NR1I3: variants seen among roughly 807,000 people sequenced by gnomAD.
The protein encoded by NR1I3 is constitutive activator of retinoid response.
NR1I3 carries 30 observed loss-of-function variants against 38.4 expected under a neutral mutation model. The ratio of observed to expected loss-of-function variants is 0.78; its 90% CI spans 0.58 to 1.06. NR1I3 has a LOEUF of 1.06. NR1I3 is among the 50% of genes least tolerant of loss of function. NR1I3 has a pLI of 0.00. For synonymous variants in NR1I3, 143 were observed against 165.1 expected (o/e 0.87, Z 1.03); for missense variants, 388 against 435.7 (o/e 0.89, Z 0.97).
chr1:161,235,977 C>T lies in NR1I3; in HGVS notation c.108G>A (p.Arg36=), dbSNP rs1668536943. Residue 36 remains arginine, a splice_region_variant and synonymous_variant, in exon 3 of 9, where the codon AGG becomes AGA. Transcript: ENST00000367983. ...GACCAATGCTTTTGCTGACTGTTCT[C>T]CTGTGAGACACAGAGATGTTGTTAG... is the stretch of plus-strand genomic sequence containing the variant. ...LTCEGCKGFF[R]RTVSKSIGPT... The T allele has an allele frequency of 1.9e-6, 3 of 1,588,200 alleles. No individual in the cohort carries two copies. Among genetic ancestry groups the T allele is most frequent in the African/African-American group, 2.7e-5 (2 of 74,058 alleles).
chr1:161,237,218 T>TC (rs1668773659), intron 1 of NR1I3, among the ~76,000 whole-genome samples: 1 of 151,044 alleles, frequency 6.6e-6, no homozygotes, highest in African/African-American at 2.4e-5. Flanking sequence ...TTTTTTTTTT[T>TC]TCCCTGAAAT....
chr1:161,236,073 T>G, intron 2 of NR1I3, 96 bp from the exon 3 acceptor site: 1 of 1,406,834 alleles, frequency 7.1e-7, no homozygotes, highest in South Asian at 1.4e-5. Context: ...TCTGGTGAAA[T>G]GGACTAATCT....
rs778869769 is a variant in NR1I3 at position 161,231,343 on chromosome 1, T to G, written c.680A>C (p.Glu227Ala). The change falls in exon 6 of 9, where the codon GAA (glutamate) becomes GCA (alanine). Residue 227 changes from glutamate (E) to alanine (A), a missense_variant. By Grantham distance (107) the Glu-to-Ala change is moderately radical (BLOSUM62 -1). Transcript: ENST00000367983. The part of the protein sequence containing the change: ...FLCGPLRYTI[E>A]DGARVGFQVE... The stretch of plus-strand genomic sequence containing the variant: ...CACCATCTCACCACGGGCTCCATCT[T>G]CAATTGTGTAGCGAAGAGGCCCGCA... 22 of 1,579,556 alleles carry G rather than the reference T, an allele frequency of 1.4e-5. No individual in the cohort carries two copies. The South Asian group carries it at 2.5e-4, about 18-fold the overall frequency.
chr1:161,229,823 G>A lies in NR1I3; in HGVS notation c.1021C>T (p.Pro341Ser), dbSNP rs1571662182. The A allele has an allele frequency of 1.2e-6, 2 of 1,614,214 alleles. No individual in the cohort carries two copies. The highest frequency in any genetic ancestry group is 4.5e-5 in the East Asian group (2 of 44,886). ...QHIQGLSAMM[P>S]LLQEICS ...CAGCTGCAGATCTCCTGGAGCAGCG[G>A]CATCATGGCAGACAGGCCCTGGATG... The change falls in exon 9 of 9, where the codon CCG becomes TCG. Residue 341 changes from proline (P) to serine (S), a missense_variant. Coordinates refer to ENST00000367983, the MANE Select transcript of NR1I3 (RefSeq NM_005122.5).
intron 1 of NR1I3, 90 bp from the exon 2 acceptor site, chr1:161,236,688 A>T: frequency 7.6e-7 from 1 of 1,323,242 alleles, no homozygotes. Flanking sequence ...ACCAAACCAA[A>T]CATGCCCTTG....
In NR1I3 at chr1:161,232,806, C is replaced by A. The variant is rs759198238; in HGVS notation, c.548+1G>T. ...CTGAAAGATGAGGGGAGGTCACTCA[C>A]CGGAAGACGGGCAGGTCCTTAGTAA... On this transcript the variant is annotated splice_donor_variant, in intron 5 of 8. Transcript: ENST00000367983. LOFTEE classifies it high-confidence loss of function. 1.9e-6 allele frequency: 3 copies of A among 1,614,154 alleles called. No individual in the cohort carries two copies. The highest frequency in any genetic ancestry group is 2.2e-5 in the South Asian group (2 of 91,078).
intron 5 of NR1I3, 122 bp downstream of exon 5, chr1:161,232,685 A>G (rs1022967227): frequency 1.7e-5 from 16 of 965,660 alleles, no homozygotes; most frequent in Non-Finnish European, 2.4e-5. Flanking sequence ...AAAGCTGGGA[A>G]TTCAAGACCT....
At chr1:161,233,914 T>A (rs1667995491) in intron 3 of NR1I3, among the ~76,000 whole-genome samples, 1 of 147,616 alleles carries the variant, frequency 6.8e-6, no homozygotes, top group African/African-American at 2.5e-5. Flanking sequence ...TATATGTGTA[T>A]ATATGTATAT....
At chr1:161,233,008 A>T in intron 4 of NR1I3, 62 bp from the exon 5 acceptor site, 1 of 1,601,192 alleles carries the variant, frequency 6.2e-7, no homozygotes, top group Non-Finnish European at 8.5e-7. Context: ...AGGCCTCGCC[A>T]GCCTTATCTT....
chr1:161,231,632 C>T (rs539726915), intron 5 of NR1I3, among the ~76,000 whole-genome samples, 158 bp from the exon 6 acceptor site: 2 of 151,972 alleles, frequency 1.3e-5, no homozygotes, highest in Non-Finnish European at 2.9e-5. Flanking sequence ...TCCCAAGTAG[C>T]TTGGATTACA....
Position 161,231,196 on chromosome 1 carries a change from G to A in NR1I3, c.732C>T (p.His244=). The A allele has an allele frequency of 6.2e-7, 1 of 1,614,088 alleles. No individual in the cohort carries two copies. Among genetic ancestry groups the A allele is most frequent in the East Asian group, 2.2e-5 (1 of 44,874 alleles). The change falls in exon 7 of 9, where the codon CAC becomes CAT. Residue 244 remains histidine, a synonymous_variant. Transcript: ENST00000367983. ...FQVEFLELLF[H]FHGTLRKLQL... ...GCAGTTTTCGTAGTGTTCCATGGAA[G>A]TGAAAGAGCAACTCCAAAAACTCTA...
chr1:161,235,148 A>G lies in NR1I3; in HGVS notation c.238+699T>C, dbSNP rs1395632540. On this transcript the variant is annotated intron_variant, in intron 3 of 8. Coordinates refer to ENST00000367983, the MANE Select transcript of NR1I3 (RefSeq NM_005122.5). Reference sequence around the variant, plus strand: ...AGAGTATGAGACTCTATCAAAAAAAATAGAAAGAAAAGAAAAGACAAGACT... The same window carrying G: ...AGAGTATGAGACTCTATCAAAAAAAGTAGAAAGAAAAGAAAAGACAAGACT... 5 of 152,896 alleles carry G rather than the reference A, an allele frequency of 3.3e-5. No individual in the cohort carries two copies. The Admixed American group carries it at 3.3e-4, about 10-fold the overall frequency. The allele number at this position is 152,896 out of a possible 1,614,324, so 9.5% of individuals were successfully genotyped here. A position where few individuals can be genotyped will look rare whatever the true frequency, so the allele number is the denominator to read the frequency against.
In NR1I3 at chr1:161,229,829, T is replaced by A; in HGVS notation, c.1015A>T (p.Met339Leu). ...CAGATCTCCTGGAGCAGCGGCATCA[T>A]GGCAGACAGGCCCTGGATGTGCTGG... ...QIQHIQGLSA[M>L]MPLLQEICS Residue 339 changes from methionine to leucine, a missense_variant, in exon 9 of 9, where the codon ATG becomes TTG. Coordinates refer to ENST00000367983, the MANE Select transcript of NR1I3 (RefSeq NM_005122.5). 2 of 1,614,220 alleles carry A rather than the reference T, an allele frequency of 1.2e-6. No homozygotes were observed. Among genetic ancestry groups the A allele is most frequent in the Non-Finnish European group, 1.7e-6 (2 of 1,180,040 alleles).
chr1:161,230,110 C>T (rs868698879), intron 8 of NR1I3, 184 bp from the exon 9 acceptor site: 2 of 634,872 alleles, frequency 3.2e-6, no homozygotes, highest in African/African-American at 1.8e-5. Flanking sequence ...GGGCCTCGGT[C>T]TGACACTGTC....
intron 3 of NR1I3, among the ~76,000 whole-genome samples, chr1:161,234,427 A>G (rs3003596): frequency 0.45 from 68,627 of 151,446 alleles, 15,741 homozygotes; most frequent in East Asian, 0.55. Flanking sequence ...TCCAAGATCA[A>G]ACCAAGATCT....
Position 161,230,879 on chromosome 1 carries a change from A to T in NR1I3, c.851T>A (p.Leu284Gln). 6.2e-7 allele frequency: 1 copy of T among 1,614,110 alleles called. No homozygotes were observed. The highest frequency in any genetic ancestry group is 1.1e-5 in the South Asian group (1 of 91,080). ...GVTQRDEIDQ[L>Q]QEEMALTLQS... ...CAGAGTCAGTGCCATCTCCTCTTGC[A>T]GCTGATCAATCTCATCTCTCTGGGT... is the stretch of plus-strand genomic sequence containing the variant. Residue 284 changes from leucine to glutamine, a missense_variant, in exon 8 of 9, where the codon CTG (leucine) becomes CAG (glutamine). By Grantham distance (113) the Leu-to-Gln change is moderately radical. Coordinates refer to ENST00000367983, the MANE Select transcript of NR1I3 (RefSeq NM_005122.5).
intron 3 of NR1I3, among the ~76,000 whole-genome samples, chr1:161,234,258 C>T (rs1222988808): frequency 6.6e-6 from 1 of 151,936 alleles, no homozygotes; most frequent in Non-Finnish European, 1.5e-5. Context: ...TCACCTCGGC[C>T]TCCCAAAGTG....
In NR1I3 at chr1:161,233,280, T is replaced by A; in HGVS notation, c.297A>T (p.Ala99=). ...LRRAKQAQRR[A]QQTPVQLSKE... is the part of the protein sequence containing the mutation. ...TACTCAGTTGCACAGGTGTTTGCTG[T>A]GCCCGCCGCTGGGCCTGCTTTGCTC... Residue 99 remains alanine (A), a synonymous_variant, in exon 4 of 9, where the codon GCA becomes GCT. Coordinates refer to ENST00000367983, the MANE Select transcript of NR1I3 (RefSeq NM_005122.5). 1 of 1,613,756 alleles carries A rather than the reference T, an allele frequency of 6.2e-7. No individual in the cohort carries two copies. Among genetic ancestry groups the A allele is most frequent in the Non-Finnish European group, 8.5e-7 (1 of 1,180,034 alleles).
chr1:161,235,974 TCTC>T lies in NR1I3; in HGVS notation c.108_110del (p.Arg37del), dbSNP rs764025470. ...TGGGACCAATGCTTTTGCTGACTGT[TCTC>T]CTGTGAGACACAGAGATGTTGTTAG... On this transcript the variant is annotated inframe_deletion and splice_region_variant, in exon 3 of 9. Coordinates refer to ENST00000367983, the MANE Select transcript of NR1I3 (RefSeq NM_005122.5). The T allele has an allele frequency of 1.3e-5, 20 of 1,591,870 alleles. No homozygotes were observed. The African/African-American group carries it at 2.6e-4, about 20-fold the overall frequency.
Sources: gnomAD v4.1 joint callset for allele counts (sites outside exome capture counted in the v4.1 genomes callset) on GRCh38, gnomAD v4.1.1 for gene constraint, MANE v1.5 for transcripts, NCBI Gene and HGNC (gene_info 2026-07-23, HGNC 2026-07-21) for gene names.